The following TAFA2 variants were observed in gnomAD, a reference collection of about 807,000 sequenced individuals.
TAFA2 encodes the protein chemokine-like protein TAFA-2.
Under a neutral mutation model 18.8 loss-of-function variants are expected in TAFA2, and 7 were observed. The ratio of observed to expected loss-of-function variants is 0.37; its 90% CI spans 0.21 to 0.70. The LOEUF (loss-of-function observed/expected upper bound fraction) is 0.70. Ranked by LOEUF, TAFA2 falls within the 30% of genes least tolerant of loss-of-function variation. The pLI, the probability that TAFA2 is intolerant of heterozygous loss-of-function variation, is 0.53. For synonymous variants in TAFA2, 60 were observed against 54.2 expected (o/e 1.11, Z -0.47); for missense variants, 122 against 158.1 (o/e 0.77, Z 1.23).
intron 1 of TAFA2, among the ~76,000 whole-genome samples, chr12:62,151,113 C>A (rs1323521752): frequency 6.6e-6 from 1 of 152,196 alleles, no homozygotes; most frequent in Non-Finnish European, 1.5e-5. Flanking sequence ...AACATTATTT[C>A]TCACGTCTGT....
chr12:62,186,599 T>C (rs1202260339), intron 1 of TAFA2, among the ~76,000 whole-genome samples: 1 of 152,178 alleles, frequency 6.6e-6, no homozygotes, highest in Non-Finnish European at 1.5e-5. Context: ...TGAATGACTA[T>C]GTTTGTACTA....
At chr12:61,870,163 T>C (rs186786914) in intron 1 of TAFA2, among the ~76,000 whole-genome samples, 13 of 152,298 alleles carry the variant, frequency 8.5e-5, no homozygotes, top group Admixed American at 5.9e-4. Flanking sequence ...AGGACTGGTA[T>C]TTTCTTCTTT....
chr12:62,144,059 A>G (rs1035617364), intron 1 of TAFA2, among the ~76,000 whole-genome samples: 3 of 151,196 alleles, frequency 2.0e-5, no homozygotes, highest in African/African-American at 7.3e-5. Flanking sequence ...AAAAAAAAAA[A>G]AAAAAAAAAA....
intron 2 of TAFA2, among the ~76,000 whole-genome samples, chr12:61,763,724 A>G (rs908248533): frequency 3.3e-5 from 5 of 151,910 alleles, no homozygotes; most frequent in African/African-American, 1.2e-4. Flanking sequence ...AGCTTCGCGC[A>G]TGCCTCACGG....
At chr12:62,022,586 A>G (rs1304359012) in intron 1 of TAFA2, among the ~76,000 whole-genome samples, 1 of 152,202 alleles carries the variant, frequency 6.6e-6, no homozygotes, top group Non-Finnish European at 1.5e-5. Context: ...CCTCACTCAT[A>G]TAATCTGAGC....
At chr12:61,732,411 C>T (rs1000663947) in intron 4 of TAFA2, among the ~76,000 whole-genome samples, 1 of 152,092 alleles carries the variant, frequency 6.6e-6, no homozygotes, top group Non-Finnish European at 1.5e-5. Context: ...TTTACTAAGG[C>T]TAAACCGTAG....
chr12:62,199,941 A>T (rs2062664231), intron 1 of TAFA2, among the ~76,000 whole-genome samples: 4 of 152,094 alleles, frequency 2.6e-5, no homozygotes, highest in Admixed American at 2.6e-4. Flanking sequence ...TTTAATAAAC[A>T]CTATTCTGAT....
intron 1 of TAFA2, among the ~76,000 whole-genome samples, chr12:62,246,823 T>G (rs2062888612): frequency 6.6e-6 from 1 of 152,182 alleles, no homozygotes; most frequent in African/African-American, 2.4e-5. Flanking sequence ...CCAGTATTCT[T>G]TCATCTTGCA....
In TAFA2 at chr12:61,710,403, G is replaced by A. The variant is rs1366333415; in HGVS notation, c.*3C>T. The A allele has an allele frequency of 1.2e-6, 2 of 1,608,104 alleles. No homozygotes were observed. Among genetic ancestry groups the A allele is most frequent in the Non-Finnish European group, 1.7e-6 (2 of 1,175,052 alleles). On this transcript the variant is annotated 3_prime_UTR_variant, in exon 5 of 5. Transcript: ENST00000416284. ...CCTTGAGGATCACTTGATTTCTCCT[G>A]GGTTAATGGGTTACCTACAAAGGAA...
intron 1 of TAFA2, among the ~76,000 whole-genome samples, chr12:61,937,160 C>G (rs941134321): frequency 2.0e-5 from 3 of 151,998 alleles, no homozygotes; most frequent in Non-Finnish European, 4.4e-5. Flanking sequence ...TCATATGACA[C>G]GAACAAATGG....
At chr12:62,086,217 C>G (rs1315955430) in intron 1 of TAFA2, among the ~76,000 whole-genome samples, 2 of 150,964 alleles carry the variant, frequency 1.3e-5, no homozygotes, top group East Asian at 3.9e-4. Context: ...CAGGAAAAAG[C>G]ATCATGACAT....
chr12:61,904,069 A>G (rs1030405472), intron 1 of TAFA2, among the ~76,000 whole-genome samples: 1 of 152,216 alleles, frequency 6.6e-6, no homozygotes, highest in African/African-American at 2.4e-5. Context: ...ACAATATTAT[A>G]GAAGTTAAAA....
chr12:61,716,319 G>T (rs1269365102), intron 4 of TAFA2, among the ~76,000 whole-genome samples: 1 of 152,048 alleles, frequency 6.6e-6, no homozygotes, highest in Non-Finnish European at 1.5e-5. Flanking sequence ...TTTGCAGAAA[G>T]GATACATATT....
At position 61,986,158 on chromosome 12, in the gene TAFA2, C is replaced by CTTTTTT. The variant is rs551223452; in HGVS notation, c.-1-118738_-1-118733dup. Among the ~76,000 whole-genome samples the CTTTTTT allele has an allele frequency of 7.4e-3, 487 of 65,896 alleles. 65 individuals are homozygous for CTTTTTT. Among genetic ancestry groups the CTTTTTT allele is most frequent in the African/African-American group, 0.012 (189 of 15,720 alleles). The allele number at this position is 65,896 out of a possible 152,430, so 43.2% of individuals were successfully genotyped here. A position where few individuals can be genotyped will look rare whatever the true frequency, so the allele number is the denominator to read the frequency against. ...CTAGACATAGACAATCTAAGCTCTT[C>CTTTTTT]TTTTTTTTTTTTTTTTTTTTTTTTT... is the stretch of plus-strand genomic sequence containing the variant. On this transcript the variant is annotated intron_variant, in intron 1 of 4. Transcript: ENST00000416284.
intron 4 of TAFA2, among the ~76,000 whole-genome samples, chr12:61,715,095 G>A (rs1869586647): frequency 6.6e-6 from 1 of 152,110 alleles, no homozygotes; most frequent in Admixed American, 6.5e-5. Flanking sequence ...ATTAGTAGGT[G>A]GTAGAAGTAG....
At chr12:62,225,376 G>A (rs1182724148) in intron 1 of TAFA2, among the ~76,000 whole-genome samples, 2 of 152,090 alleles carry the variant, frequency 1.3e-5, no homozygotes, top group Non-Finnish European at 2.9e-5. Flanking sequence ...AGACTGATCA[G>A]ACTCAAATGT....
intron 4 of TAFA2, among the ~76,000 whole-genome samples, chr12:61,734,534 C>A (rs558328095): frequency 1.8e-4 from 28 of 151,938 alleles, no homozygotes; most frequent in African/African-American, 6.0e-4. Flanking sequence ...ATAAAAAAAA[C>A]TAAACTAATA....
intron 1 of TAFA2, among the ~76,000 whole-genome samples, chr12:62,153,821 G>A (rs555580165): frequency 2.6e-5 from 4 of 152,096 alleles, no homozygotes; most frequent in Non-Finnish European, 5.9e-5. Flanking sequence ...TGAAACTCTA[G>A]ATATAAAGTT....
intron 1 of TAFA2, among the ~76,000 whole-genome samples, chr12:61,907,238 G>A (rs762890632): frequency 6.6e-6 from 1 of 152,190 alleles, no homozygotes; most frequent in Non-Finnish European, 1.5e-5. Flanking sequence ...CCCATCACAG[G>A]ACTGGAGGCC....
Sources: gnomAD v4.1 joint callset for allele counts (sites outside exome capture counted in the v4.1 genomes callset) on GRCh38, gnomAD v4.1.1 for gene constraint, MANE v1.5 for transcripts, NCBI Gene and HGNC (gene_info 2026-07-23, HGNC 2026-07-21) for gene names.